SV2C: variants seen among roughly 807,000 people sequenced by gnomAD.
SV2C encodes solute carrier family 22 member B3.
A neutral mutation model predicts 79.7 loss-of-function variants in SV2C; 49 were observed. That is an observed-to-expected ratio of 0.61 (90% CI 0.49 to 0.78). The LOEUF (loss-of-function observed/expected upper bound fraction) is 0.78. Among genes scored for constraint, SV2C ranks in the 30% least tolerant of loss-of-function variants. The pLI is 0.00. For synonymous variants in SV2C, 334 were observed against 333.2 expected (o/e 1.00, Z -0.03); for missense variants, 833 against 912.9 (o/e 0.91, Z 1.13).
Position 76,332,560 on chromosome 5 carries a change from A to G in SV2C, c.*7013A>G, listed in dbSNP as rs965696451. ...ACTTATTTTACTACATTTTACCATT[A>G]TCTGTGCCCATGAGGTAATGTATGC... On this transcript the variant is annotated 3_prime_UTR_variant, in exon 13 of 13. Coordinates refer to ENST00000502798, the MANE Select transcript of SV2C (RefSeq NM_014979.4). 14 of 152,198 alleles carry G rather than the reference A, an allele frequency of 9.2e-5. No individual in the cohort carries two copies. The allele number at this position is 152,198 out of a possible 1,614,324, so 9.4% of individuals were successfully genotyped here. A position where few individuals can be genotyped will look rare whatever the true frequency, so the allele number is the denominator to read the frequency against.
chr5:75,884,932 C>A, the SV2C span, among the ~76,000 whole-genome samples: 1 of 151,940 alleles, frequency 6.6e-6, no homozygotes, highest in Non-Finnish European at 1.5e-5. Flanking sequence ...TAAAATAAAC[C>A]TTTGCAACAT....
intron 12 of SV2C, among the ~76,000 whole-genome samples, chr5:76,350,191 A>G (rs548801590): frequency 1.3e-5 from 2 of 152,092 alleles, no homozygotes; most frequent in Non-Finnish European, 2.9e-5. Flanking sequence ...CCCTCCATAC[A>G]TGTGATTTTC....
chr5:76,082,467 G>C (rs1747020263), upstream of SV2C: 1 of 151,822 alleles, frequency 6.6e-6, no homozygotes, highest in Non-Finnish European at 1.5e-5. Flanking sequence ...ACGCCAAGGG[G>C]AGAAATGTTT....
At chr5:76,096,098 G>C (rs1388761168) in intron 1 of SV2C, among the ~76,000 whole-genome samples, 1 of 152,114 alleles carries the variant, frequency 6.6e-6, no homozygotes, top group African/African-American at 2.4e-5. Flanking sequence ...AGGGGAGTGA[G>C]TTCATGAAAT....
At chr5:76,260,452 T>A (rs185482196) in intron 4 of SV2C, among the ~76,000 whole-genome samples, 2 of 152,330 alleles carry the variant, frequency 1.3e-5, no homozygotes, top group East Asian at 3.9e-4. Context: ...TTTAATTAGA[T>A]CCAGTTTGTC....
intron 2 of SV2C, among the ~76,000 whole-genome samples, chr5:76,151,307 A>G (rs985516549): frequency 5.3e-5 from 8 of 152,226 alleles, no homozygotes; most frequent in Admixed American, 3.9e-4. Flanking sequence ...GCATGCTTAC[A>G]GGGAAGCAAT....
the SV2C span, among the ~76,000 whole-genome samples, chr5:75,884,642 G>A: frequency 6.6e-6 from 1 of 152,028 alleles, no homozygotes; most frequent in East Asian, 1.9e-4. Context: ...TACAAGAAGA[G>A]GAGGTTTTGA....
At position 76,291,261 on chromosome 5, in the gene SV2C, T is replaced by A. The variant is rs201424578; in HGVS notation, c.1178T>A (p.Ile393Asn). 1 of 1,613,222 alleles carries A rather than the reference T, an allele frequency of 6.2e-7. No homozygotes were observed. The highest frequency in any genetic ancestry group is 1.3e-5 in the African/African-American group (1 of 74,970). The change falls in exon 7 of 13, where the codon ATT becomes AAT. Residue 393 changes from isoleucine to asparagine, a missense_variant. Ile to Asn is a moderately radical substitution (Grantham distance 149). Coordinates refer to ENST00000502798, the MANE Select transcript of SV2C (RefSeq NM_014979.4). ...ACTCCTAAACAAATAGATGAGCTGATTGAAATTGAGAGTGACACAGGAACA... is the reference window on the plus strand; with the variant it reads ...ACTCCTAAACAAATAGATGAGCTGAATGAAATTGAGAGTGACACAGGAACA... ...IKTPKQIDEL[I>N]EIESDTGTWY...
At chr5:76,342,511 G>A (rs990753941) in intron 12 of SV2C, among the ~76,000 whole-genome samples, 4 of 152,230 alleles carry the variant, frequency 2.6e-5, no homozygotes, top group Non-Finnish European at 5.9e-5. Context: ...CACACAGGAA[G>A]GTACCACAGG....
At chr5:76,216,035 A>T (rs905931918) in intron 4 of SV2C, among the ~76,000 whole-genome samples, 4 of 149,882 alleles carry the variant, frequency 2.7e-5, no homozygotes, top group African/African-American at 9.7e-5. Flanking sequence ...GGAAATCTGG[A>T]AGGATTCTTG....
chr5:75,893,448 A>T, the SV2C span, among the ~76,000 whole-genome samples: 438 of 152,262 alleles, frequency 2.9e-3, 5 homozygotes, highest in African/African-American at 9.8e-3. Context: ...CTTTGCAGCA[A>T]CGTGGAAGCA....
At chr5:75,914,614 GCTGTACTC>G in the SV2C span, among the ~76,000 whole-genome samples, 2 of 152,160 alleles carry the variant, frequency 1.3e-5, no homozygotes, top group African/African-American at 4.8e-5. Context: ...GAGAGTTCCA[GCTGTACTC>G]CTTAATAGGA....
At chr5:75,953,287 A>C in the SV2C span, among the ~76,000 whole-genome samples, 4 of 151,974 alleles carry the variant, frequency 2.6e-5, no homozygotes, top group Non-Finnish European at 4.4e-5. Context: ...ATCTGCTTCC[A>C]TGACCAAATA....
chr5:76,211,353 C>T (rs1046948415), intron 4 of SV2C, among the ~76,000 whole-genome samples: 1 of 152,088 alleles, frequency 6.6e-6, no homozygotes, highest in Admixed American at 6.5e-5. Context: ...CCTCAGAAGC[C>T]AAAAGCTCCA....
At chr5:76,220,476 A>T (rs1745033220) in intron 4 of SV2C, among the ~76,000 whole-genome samples, 3 of 152,176 alleles carry the variant, frequency 2.0e-5, no homozygotes, top group African/African-American at 7.2e-5. Flanking sequence ...GTTCGAGGCC[A>T]GCCTGGGCAA....
chr5:76,076,608 TC>T, the SV2C span, among the ~76,000 whole-genome samples: 4 of 152,230 alleles, frequency 2.6e-5, no homozygotes, highest in Non-Finnish European at 5.9e-5. Context: ...GATTTGCATT[TC>T]TTTCTATCAG....
At chr5:76,309,454 G>A (rs569354335) in intron 12 of SV2C, among the ~76,000 whole-genome samples, 1 of 152,092 alleles carries the variant, frequency 6.6e-6, no homozygotes, top group East Asian at 1.9e-4. Flanking sequence ...CAAAAAATTA[G>A]CCAGGCATCG....
chr5:76,069,916 A>T, the SV2C span, among the ~76,000 whole-genome samples: 2 of 151,632 alleles, frequency 1.3e-5, no homozygotes, highest in Non-Finnish European at 2.9e-5. Flanking sequence ...TCATTTTCTG[A>T]TGTTTGCAGA....
rs151194459 is a variant in SV2C at position 76,314,384 on chromosome 5, C to T, written c.2001-10980C>T. On this transcript the variant is annotated intron_variant, in intron 12 of 12. Coordinates refer to ENST00000502798, the MANE Select transcript of SV2C (RefSeq NM_014979.4). ...CCTGATCCTTCAGCTGTCAGCTCCC[C>T]GTTCCTCATAAAGCATTGCCTATTA... Among the ~76,000 whole-genome samples, 320 of 152,242 alleles carry T rather than the reference C, an allele frequency of 2.1e-3. 1 individual carries two copies. The South Asian group carries it at 0.025, about 12-fold the overall frequency.
Sources: gnomAD v4.1 joint callset for allele counts (sites outside exome capture counted in the v4.1 genomes callset) on GRCh38, gnomAD v4.1.1 for gene constraint, MANE v1.5 for transcripts, NCBI Gene and HGNC (gene_info 2026-07-23, HGNC 2026-07-21) for gene names.